PCDHGA5: variants seen among roughly 807,000 people sequenced by gnomAD.
The protein encoded by PCDHGA5 is protocadherin gamma subfamily A, 5, also known as protocadherin gamma-A5.
Under a neutral mutation model 56.7 loss-of-function variants are expected in PCDHGA5, and 36 were observed. That is an observed-to-expected ratio of 0.64 (90% confidence interval 0.49 to 0.84). PCDHGA5 has a LOEUF of 0.84. PCDHGA5 is among the 40% of genes least tolerant of loss of function. PCDHGA5 has a pLI of 0.00. For synonymous variants in PCDHGA5, 563 were observed against 520.2 expected, an observed-to-expected ratio of 1.08 and a Z score of -1.12; for missense variants, 1,305 against 1,201.5, an observed-to-expected ratio of 1.09 and a Z score of -1.27.
In PCDHGA5 at chr5:141,421,238, G is replaced by C. The variant is rs920128735; in HGVS notation, c.2421+54487G>C. 3.1e-6 allele frequency: 5 copies of C among 1,597,422 alleles called. No individual in the cohort carries two copies. Among genetic ancestry groups the C allele is most frequent in the African/African-American group, 2.7e-5 (2 of 74,378 alleles). ...GGCTTAGAGCCTGCCATGGCGAATC[G>C]GCTACAGCGCGGGGACCGCAGTCGG... On this transcript the variant is annotated intron_variant, in intron 1 of 3. Transcript: ENST00000518069.
At chr5:141,398,036 A>C (rs151208588) in intron 1 of PCDHGA5, 2 of 1,478,020 alleles carry the variant, frequency 1.4e-6, no homozygotes, top group African/African-American at 2.8e-5. Context: ...CTGGAACTAA[A>C]GCCCGTTCGG....
chr5:141,421,799 A>G (rs778353620), intron 1 of PCDHGA5: 1 of 1,613,860 alleles, frequency 6.2e-7, no homozygotes, highest in South Asian at 1.1e-5. Flanking sequence ...GATGGGGCCA[A>G]GAATCCAGAG....
At chr5:141,428,064 G>C in intron 1 of PCDHGA5, 1 of 1,609,060 alleles carries the variant, frequency 6.2e-7, no homozygotes, top group East Asian at 2.2e-5. Flanking sequence ...GGCGGTGGAC[G>C]CAGATTCGGG....
intron 1 of PCDHGA5, among the ~76,000 whole-genome samples, chr5:141,380,756 T>C (rs777302606): frequency 2.0e-5 from 3 of 152,238 alleles, no homozygotes; most frequent in Non-Finnish European, 4.4e-5. Context: ...ACCAAGACAC[T>C]ATAAATTAAT....
At position 141,418,775 on chromosome 5, in the gene PCDHGA5, C is replaced by T. The variant is rs773519128; in HGVS notation, c.2421+52024C>T. 4 of 1,613,764 alleles carry T rather than the reference C, an allele frequency of 2.5e-6. No individual in the cohort carries two copies. In the East Asian group the frequency reaches 6.7e-5, roughly 27 times the overall value. ...TACAGGAAACATTCTAACTCAGCAG[C>T]CTTTGGATTTTGAAGAAGTAGAAAG... On this transcript the variant is annotated intron_variant, in intron 1 of 3. Transcript: ENST00000518069.
At chr5:141,375,358 G>C in intron 1 of PCDHGA5, 1 of 1,613,810 alleles carries the variant, frequency 6.2e-7, no homozygotes, top group Non-Finnish European at 8.5e-7. Context: ...TGACAGCCAC[G>C]GACAAAGGAA....
At chr5:141,510,849 G>C (rs959784028) in intron 3 of PCDHGA5, 98 bp from the exon 4 acceptor site, 10 of 1,596,568 alleles carry the variant, frequency 6.3e-6, no homozygotes, top group Middle Eastern at 1.7e-4. Flanking sequence ...CAAGGCCCAG[G>C]GTGCTGTATA....
At position 141,473,311 on chromosome 5, in the gene PCDHGA5, A is replaced by G. The variant is rs139053997; in HGVS notation, c.2422-21496A>G. On this transcript the variant is annotated intron_variant, in intron 1 of 3. Coordinates refer to ENST00000518069, the MANE Select transcript of PCDHGA5 (RefSeq NM_018918.3). ...TCAGTAGCATAAAGATTGCTATATTAATAAGCATTAAGTGCCTGCTGTGCT... is the reference window on the plus strand; with the variant it reads ...TCAGTAGCATAAAGATTGCTATATTGATAAGCATTAAGTGCCTGCTGTGCT... Among the ~76,000 whole-genome samples, 1,321 of 152,342 alleles carry G rather than the reference A, an allele frequency of 8.7e-3. 28 individuals carry two copies. Among genetic ancestry groups the G allele is most frequent in the African/African-American group, 0.03 (1,236 of 41,582 alleles).
Position 141,421,313 on chromosome 5 carries a change from C to T in PCDHGA5, c.2421+54562C>T, listed in dbSNP as rs201429116. 461 of 1,613,716 alleles carry T rather than the reference C, an allele frequency of 2.9e-4. No homozygotes were observed. Among genetic ancestry groups the T allele is most frequent in the Non-Finnish European group, 3.7e-4 (436 of 1,179,850 alleles). On this transcript the variant is annotated intron_variant, in intron 1 of 3. Coordinates refer to ENST00000518069, the MANE Select transcript of PCDHGA5 (RefSeq NM_018918.3). ...CTGGGGACGCTGCGGGGGTTCCGGGCCAGGCAGATCCGATATTCGGTGCCA... is the reference window on the plus strand; with the variant it reads ...CTGGGGACGCTGCGGGGGTTCCGGGTCAGGCAGATCCGATATTCGGTGCCA...
In PCDHGA5 at chr5:141,476,401, G is replaced by A. The variant is rs772438777; in HGVS notation, c.2422-18406G>A. The A allele has an allele frequency of 1.9e-6, 3 of 1,614,054 alleles. No individual in the cohort carries two copies. Among genetic ancestry groups the A allele is most frequent in the African/African-American group, 2.7e-5 (2 of 74,926 alleles). On this transcript the variant is annotated intron_variant, in intron 1 of 3. Coordinates refer to ENST00000518069, the MANE Select transcript of PCDHGA5 (RefSeq NM_018918.3). This position sits in a 1 kb window ranked among gnomAD's most constrained non-coding sequence, Gnocchi z 7.6. ...TTGTGAACGACCGTCTGGATCGAGA[G>A]GAGCTGTGTGGGACACTGCCCTCTT...
intron 1 of PCDHGA5, among the ~76,000 whole-genome samples, chr5:141,463,948 C>A (rs1397198849): frequency 6.6e-6 from 1 of 151,846 alleles, no homozygotes; most frequent in Non-Finnish European, 1.5e-5. Context: ...TAGAAATCTT[C>A]ATTTTTAAAA....
chr5:141,439,790 C>G (rs2098131627), intron 1 of PCDHGA5: 2 of 152,248 alleles, frequency 1.3e-5, no homozygotes, highest in Non-Finnish European at 2.9e-5. Flanking sequence ...TTCTATAATC[C>G]AAGAAGAGTT....
rs570029585 is a variant in PCDHGA5 at position 141,389,223 on chromosome 5, G to A, written c.2421+22472G>A. On this transcript the variant is annotated intron_variant, in intron 1 of 3. Coordinates refer to ENST00000518069, the MANE Select transcript of PCDHGA5 (RefSeq NM_018918.3). ...GCACATTGGTGATGTAAATGACAAC[G>A]CTCCGGTTTTCTCACAGTCTTCCTA... 5.0e-6 allele frequency: 8 copies of A among 1,613,994 alleles called. No homozygotes were observed. The African/African-American group carries it at 8.0e-5, about 16-fold the overall frequency.
chr5:141,500,104 T>C (rs917633032), intron 2 of PCDHGA5, among the ~76,000 whole-genome samples: 1 of 152,124 alleles, frequency 6.6e-6, no homozygotes, highest in Non-Finnish European at 1.5e-5. Context: ...AATTTATTTG[T>C]TGAATCCCTG....
At chr5:141,392,775 A>G in intron 1 of PCDHGA5, 1 of 1,524,280 alleles carries the variant, frequency 6.6e-7, no homozygotes, top group Non-Finnish European at 8.8e-7. Context: ...CCATTTATGC[A>G]CAGTGAAGAT....
intron 1 of PCDHGA5, chr5:141,375,735 T>C: frequency 6.2e-7 from 1 of 1,614,254 alleles, no homozygotes; most frequent in Non-Finnish European, 8.5e-7. Context: ...CTGAGCCTGT[T>C]TGTGCTGGAC....
chr5:141,435,737 T>C (rs944951200), intron 1 of PCDHGA5, among the ~76,000 whole-genome samples: 1 of 152,202 alleles, frequency 6.6e-6, no homozygotes, highest in Non-Finnish European at 1.5e-5. Context: ...TATTACTCTT[T>C]GAAAAGCATT....
intron 1 of PCDHGA5, chr5:141,421,835 G>T: frequency 6.2e-7 from 1 of 1,613,746 alleles, no homozygotes. Flanking sequence ...AGCCTGGACC[G>T]AGAGAAAGAG....
At chr5:141,383,599 G>T in intron 1 of PCDHGA5, 2 of 1,613,742 alleles carry the variant, frequency 1.2e-6, no homozygotes, top group Non-Finnish European at 8.5e-7. Flanking sequence ...GACAGTGGTG[G>T]ATGTGAATGA....
Sources: allele counts gnomAD v4.1 joint callset (sites outside exome capture counted in the v4.1 genomes callset), GRCh38; gene constraint gnomAD v4.1.1; non-coding constraint Gnocchi (gnomAD v3.1); transcripts MANE v1.5; gene names NCBI Gene and HGNC (gene_info 2026-07-23, HGNC 2026-07-21).